The following SEMA3A variants were observed in gnomAD, a reference collection of about 807,000 sequenced individuals.
SEMA3A encodes semaphorin 3A.
A neutral mutation model predicts 97.9 loss-of-function variants in SEMA3A; 29 were observed. The observed-to-expected ratio is 0.30, with a 90% CI of 0.22 to 0.40. The LOEUF (loss-of-function observed/expected upper bound fraction) is 0.40. Ranked by LOEUF, SEMA3A falls within the 10% of genes least tolerant of loss-of-function variation. SEMA3A has a pLI of 1.00. For synonymous variants in SEMA3A, 321 were observed against 323.7 expected (o/e 0.99, Z 0.09); for missense variants, 763 against 951.3 (o/e 0.80, Z 2.60).
chr7:84,484,067 GA>G (rs1806513101), intron 1 of SEMA3A, among the ~76,000 whole-genome samples: 1 of 149,206 alleles, frequency 6.7e-6, no homozygotes, highest in Admixed American at 6.7e-5. Flanking sequence ...AAAAAAAAAA[GA>G]AAAAATCTGG....
At chr7:84,292,329 GT>G (rs1353139730) in intron 3 of SEMA3A, among the ~76,000 whole-genome samples, 1 of 151,462 alleles carries the variant, frequency 6.6e-6, no homozygotes, top group Non-Finnish European at 1.5e-5. Flanking sequence ...ATGGCACATG[GT>G]TTTATTAAGA....
chr7:84,028,063 C>T (rs545876018), intron 6 of SEMA3A, among the ~76,000 whole-genome samples: 16 of 152,068 alleles, frequency 1.1e-4, no homozygotes, highest in Admixed American at 8.5e-4. Context: ...TACCGATGTC[C>T]GAAGCTACTT....
At chr7:84,109,942 T>A (rs369151392) in intron 4 of SEMA3A, among the ~76,000 whole-genome samples, 1 of 152,202 alleles carries the variant, frequency 6.6e-6, no homozygotes, top group African/African-American at 2.4e-5. Context: ...TAAAAAAACA[T>A]ATTTTTTTCT....
At chr7:84,337,224 T>C (rs971738951) in intron 2 of SEMA3A, among the ~76,000 whole-genome samples, 3 of 152,194 alleles carry the variant, frequency 2.0e-5, no homozygotes, top group Non-Finnish European at 4.4e-5. Flanking sequence ...AATTCATTGT[T>C]ATTTTTATGC....
At chr7:83,996,777 C>T (rs956161232) in intron 12 of SEMA3A, among the ~76,000 whole-genome samples, 1 of 152,036 alleles carries the variant, frequency 6.6e-6, no homozygotes, top group South Asian at 2.1e-4. Context: ...TGGAATTAGG[C>T]TTGTTTCTTA....
intron 2 of SEMA3A, among the ~76,000 whole-genome samples, chr7:84,342,382 G>A (rs971269852): frequency 3.3e-5 from 5 of 151,740 alleles, no homozygotes; most frequent in African/African-American, 4.8e-5. Flanking sequence ...TCATATTTTT[G>A]TGATTGTTTA....
chr7:84,339,991 A>G (rs1376930847), intron 2 of SEMA3A, among the ~76,000 whole-genome samples: 1 of 152,140 alleles, frequency 6.6e-6, no homozygotes, highest in African/African-American at 2.4e-5. Context: ...GAAAAAAAAC[A>G]GTCAGGGAGG....
At chr7:84,364,466 T>G (rs1423044393) in intron 2 of SEMA3A, among the ~76,000 whole-genome samples, 1 of 151,798 alleles carries the variant, frequency 6.6e-6, no homozygotes, top group South Asian at 2.1e-4. Flanking sequence ...TACAGCTGTA[T>G]TTATTTATTT....
At chr7:84,100,573 T>C (rs1197546136) in intron 4 of SEMA3A, among the ~76,000 whole-genome samples, 1 of 152,242 alleles carries the variant, frequency 6.6e-6, no homozygotes, top group African/African-American at 2.4e-5. Context: ...GGAGTATGAT[T>C]TGTATTATTG....
chr7:84,158,097 C>CT (rs2116152294), intron 1 of SEMA3A, among the ~76,000 whole-genome samples: 1 of 150,370 alleles, frequency 6.7e-6, no homozygotes, highest in South Asian at 2.1e-4. Flanking sequence ...TCCTCTATAC[C>CT]TTTTCTTCCC....
At chr7:84,124,105 C>A (rs1795716612) in intron 3 of SEMA3A, among the ~76,000 whole-genome samples, 1 of 152,146 alleles carries the variant, frequency 6.6e-6, no homozygotes, top group African/African-American at 2.4e-5. Flanking sequence ...TTCTGGTTTA[C>A]TGTGTTGTCA....
intron 5 of SEMA3A, among the ~76,000 whole-genome samples, chr7:84,058,362 G>A (rs1261074683): frequency 6.6e-6 from 1 of 152,154 alleles, no homozygotes; most frequent in Non-Finnish European, 1.5e-5. Flanking sequence ...GGGAAGTGCT[G>A]TAGAAAATAT....
rs568307705 is a variant in SEMA3A, at chr7:83,959,770, G to A, written c.*1601C>T. 1 of 152,070 alleles carries A rather than the reference G, an allele frequency of 6.6e-6. No individual in the cohort carries two copies. The highest frequency in any genetic ancestry group is 2.4e-5 in the African/African-American group (1 of 41,458). 9.4% of individuals were successfully genotyped at this position (152,070 alleles called of 1,614,324 possible). A position where few individuals can be genotyped will look rare whatever the true frequency, so the allele number is the denominator to read the frequency against. Reference sequence around the variant, plus strand: ...CATTTTTGTGCATGATGAGGAACCTGGGGGAGGAGTCCTGAATAGGTGAGT... The same window carrying A: ...CATTTTTGTGCATGATGAGGAACCTAGGGGAGGAGTCCTGAATAGGTGAGT... On this transcript the variant is annotated 3_prime_UTR_variant, in exon 17 of 17. Transcript: ENST00000265362.
At chr7:84,066,856 T>A (rs1333781878) in intron 4 of SEMA3A, among the ~76,000 whole-genome samples, 4 of 152,218 alleles carry the variant, frequency 2.6e-5, no homozygotes, top group South Asian at 2.1e-4. Flanking sequence ...CCAAGGTAAT[T>A]TACAGATTGA....
chr7:84,046,446 G>T lies in SEMA3A; in HGVS notation c.548-3C>A, dbSNP rs1281169018. On this transcript the variant is annotated splice_region_variant and splice_polypyrimidine_tract_variant and intron_variant, in intron 5 of 16. Coordinates refer to ENST00000265362, the MANE Select transcript of SEMA3A (RefSeq NM_006080.3). ...AGTTCCAGAGTATAATTCTCCATCT[G>T]TGTTGTGACAAAACCACATACACAT... 6.2e-7 allele frequency: 1 copy of T among 1,612,648 alleles called. No homozygotes were observed. The highest frequency in any genetic ancestry group is 8.5e-7 in the Non-Finnish European group (1 of 1,179,100).
intron 5 of SEMA3A, among the ~76,000 whole-genome samples, chr7:84,055,205 G>C (rs1262645020): frequency 1.3e-5 from 2 of 152,180 alleles, no homozygotes; most frequent in Non-Finnish European, 2.9e-5. Flanking sequence ...AGGCAGGCAG[G>C]CCTCCTTGAG....
chr7:84,485,516 C>T (rs1806552043), intron 1 of SEMA3A, among the ~76,000 whole-genome samples: 1 of 151,970 alleles, frequency 6.6e-6, no homozygotes, highest in Non-Finnish European at 1.5e-5. Flanking sequence ...GCTGGGACTA[C>T]AGGCCCACAC....
chr7:84,139,787 G>C (rs901475737), intron 1 of SEMA3A, among the ~76,000 whole-genome samples: 2 of 151,926 alleles, frequency 1.3e-5, no homozygotes, highest in South Asian at 4.1e-4. Context: ...AAGTCCATTT[G>C]ATAGATTTCT....
chr7:84,013,981 T>C (rs1790989995), intron 7 of SEMA3A, among the ~76,000 whole-genome samples: 1 of 152,238 alleles, frequency 6.6e-6, no homozygotes, highest in Admixed American at 6.5e-5. Flanking sequence ...TTACGTAATG[T>C]AATTGTGAAA....
Sources: allele counts gnomAD v4.1 joint callset (sites outside exome capture counted in the v4.1 genomes callset), GRCh38; gene constraint gnomAD v4.1.1; transcripts MANE v1.5; gene names NCBI Gene and HGNC (gene_info 2026-07-23, HGNC 2026-07-21).